The following ARID1B variants were observed in gnomAD, a reference collection of about 807,000 sequenced individuals.
The protein encoded by ARID1B is AT-rich interaction domain 1B.
A neutral mutation model predicts 212.3 loss-of-function variants in ARID1B; 30 were observed. The ratio of observed to expected loss-of-function variants is 0.14; its 90% CI spans 0.11 to 0.19. ARID1B has a LOEUF of 0.19. ARID1B is among the 10% of genes least tolerant of loss of function. ARID1B has a pLI of 1.00. For missense variants in ARID1B, 2,891 were observed against 3,204.0 expected (o/e 0.90, Z 2.36); for synonymous variants, 1,402 against 1,301.7 (o/e 1.08, Z -1.66).
intron 3 of ARID1B, among the ~76,000 whole-genome samples, chr6:156,902,921 T>G (rs150374245): frequency 6.6e-6 from 1 of 152,076 alleles, no homozygotes; most frequent in Non-Finnish European, 1.5e-5. Context: ...AGTTATAACC[T>G]TTTTCAAGGG....
At chr6:156,928,139 C>T (rs375690538) in intron 3 of ARID1B, among the ~76,000 whole-genome samples, 62 of 152,296 alleles carry the variant, frequency 4.1e-4, no homozygotes, top group African/African-American at 1.4e-3. Flanking sequence ...ACCCTGGGGC[C>T]GGCCCTGTAG....
intron 2 of ARID1B, among the ~76,000 whole-genome samples, chr6:156,846,151 T>TTTTG (rs71027318): frequency 0.51 from 76,794 of 149,758 alleles, 20,406 homozygotes; most frequent in Non-Finnish European, 0.58. Flanking sequence ...AGGCTATTTT[T>TTTTG]TTTGTTTGTT....
At chr6:157,104,704 C>T (rs1459184632) in intron 5 of ARID1B, among the ~76,000 whole-genome samples, 2 of 152,106 alleles carry the variant, frequency 1.3e-5, no homozygotes, top group African/African-American at 2.4e-5. Flanking sequence ...AATATACAAA[C>T]CCTCTAGGTA....
chr6:157,055,813 C>T (rs1047920049), intron 4 of ARID1B, among the ~76,000 whole-genome samples: 1 of 152,124 alleles, frequency 6.6e-6, no homozygotes, highest in African/African-American at 2.4e-5. Flanking sequence ...CTTCCAAGCT[C>T]ACCCGTTGGC....
At chr6:157,103,831 CTTTTT>C (rs869280492) in intron 5 of ARID1B, among the ~76,000 whole-genome samples, 3 of 118,384 alleles carry the variant, frequency 2.5e-5, no homozygotes, top group Admixed American at 9.2e-5. Flanking sequence ...ATATTAACAA[CTTTTT>C]TTTTTTTTTT....
intron 4 of ARID1B, among the ~76,000 whole-genome samples, chr6:157,013,502 T>G (rs941406199): frequency 3.9e-5 from 6 of 152,330 alleles, no homozygotes; most frequent in Admixed American, 1.3e-4. Context: ...TATTACTGCT[T>G]CATCTCTACT....
At chr6:156,939,329 A>G (rs1379652026) in intron 4 of ARID1B, 3 of 152,132 alleles carry the variant, frequency 2.0e-5, no homozygotes, top group Non-Finnish European at 4.4e-5. Flanking sequence ...ATATCCCTCA[A>G]TTTATATTCC....
rs77966807 is a variant in ARID1B, at chr6:156,910,311, T to G, written c.2136+8786T>G. Among the ~76,000 whole-genome samples, 353 of 152,358 alleles carry G rather than the reference T, an allele frequency of 2.3e-3. 1 individual carries two copies. The highest frequency in any genetic ancestry group is 8.3e-3 in the African/African-American group (344 of 41,580). ...GGTTGCTATTTCTTAAAGGAGCCAC[T>G]TATTCCTGCTACCTCTGCATATCAA... On this transcript the variant is annotated intron_variant, in intron 3 of 19. Transcript: ENST00000636930.
chr6:157,022,350 TCA>T (rs1177619620), intron 4 of ARID1B: 1 of 152,272 alleles, frequency 6.6e-6, no homozygotes, highest in Non-Finnish European at 1.5e-5. Context: ...GAAAACCAAC[TCA>T]CAGCATTTTT....
At chr6:156,920,146 C>T (rs1007272989) in intron 3 of ARID1B, among the ~76,000 whole-genome samples, 1 of 152,246 alleles carries the variant, frequency 6.6e-6, no homozygotes, top group African/African-American at 2.4e-5. Context: ...CTGGCGCTCT[C>T]CGAGCAAGCC....
intron 3 of ARID1B, among the ~76,000 whole-genome samples, chr6:156,907,401 A>T (rs1227416584): frequency 6.6e-6 from 1 of 152,098 alleles, no homozygotes. Flanking sequence ...TTTTACTTAT[A>T]ATCTGTTTTT....
intron 8 of ARID1B, among the ~76,000 whole-genome samples, chr6:157,161,433 A>ATATATATAT (rs754569681): frequency 5.3e-5 from 6 of 113,686 alleles, no homozygotes; most frequent in African/African-American, 2.1e-4. Context: ...GTGTGTGTGT[A>ATATATATAT]TATATATATA....
chr6:157,180,681 G>T (rs1306315778), intron 11 of ARID1B, among the ~76,000 whole-genome samples: 1 of 152,052 alleles, frequency 6.6e-6, no homozygotes, highest in African/African-American at 2.4e-5. Flanking sequence ...TGCCTTCTGG[G>T]ATTCAACGCT....
At chr6:157,084,136 T>A (rs6935934) in intron 4 of ARID1B, among the ~76,000 whole-genome samples, 10 of 140,602 alleles carry the variant, frequency 7.1e-5, no homozygotes, top group East Asian at 2.3e-4. Flanking sequence ...CTTCATCACC[T>A]CCCCCCCAAA....
intron 4 of ARID1B, among the ~76,000 whole-genome samples, chr6:157,065,757 T>C (rs1783639054): frequency 6.6e-6 from 1 of 152,222 alleles, no homozygotes; most frequent in Admixed American, 6.5e-5. Context: ...AATAAGACCG[T>C]AAGGATTTGG....
chr6:156,891,321 GA>G (rs1218462984), intron 2 of ARID1B, among the ~76,000 whole-genome samples: 3 of 152,272 alleles, frequency 2.0e-5, no homozygotes, highest in African/African-American at 7.2e-5. Flanking sequence ...CCATTTTGTA[GA>G]ATTTACCTGG....
In ARID1B at chr6:157,113,532, G is replaced by C. The variant is rs557893438; in HGVS notation, c.2581+2971G>C. 3.3e-5 allele frequency among the ~76,000 whole-genome samples: 5 copies of C among 152,312 alleles called. No homozygotes were observed. The South Asian group carries it at 1.0e-3, about 32-fold the overall frequency. On this transcript the variant is annotated intron_variant, in intron 6 of 19. Transcript: ENST00000636930. ...TTACATGGCAGGAGCAAGAGGAAGA[G>C]AGCGAAAGGGGAGGTGCTACAAACT...
Position 156,778,644 on chromosome 6 carries a change from C to G in ARID1B, c.964C>G (p.Pro322Ala), listed in dbSNP as rs1778878241. 6.8e-7 allele frequency: 1 copy of G among 1,476,610 alleles called. No individual in the cohort carries two copies. Among genetic ancestry groups the G allele is most frequent in the Non-Finnish European group, 9.0e-7 (1 of 1,110,026 alleles). 91.5% of individuals were successfully genotyped at this position (1,476,610 alleles called of 1,614,324 possible). A position where few individuals can be genotyped will look rare whatever the true frequency, so the allele number is the denominator to read the frequency against. The stretch of plus-strand genomic sequence containing the variant: ...TAATAATTACTATGGCAGCGCTGCC[C>G]CTGCGAGCGGCGGCCCCGGCGGCCG... ...EFNNYYGSAAPASGGPGGRAG... is the reference protein window; with the variant it reads ...EFNNYYGSAAAASGGPGGRAG... Residue 322 changes from proline to alanine, a missense_variant, in exon 1 of 20, where the codon CCT becomes GCT. This residue lies in a region of ARID1B where 1,643 missense variants were observed against 1,544.0 expected (regional missense o/e 1.06). Transcript: ENST00000636930.
At chr6:156,818,565 T>C (rs955409763) in intron 1 of ARID1B, among the ~76,000 whole-genome samples, 9 of 152,166 alleles carry the variant, frequency 5.9e-5, no homozygotes, top group African/African-American at 2.2e-4. Context: ...GGAGGTATTA[T>C]TATTTTTACT....
Sources: gnomAD v4.1 joint callset for allele counts (sites outside exome capture counted in the v4.1 genomes callset) on GRCh38, gnomAD v4.1.1 for gene constraint, gnomAD v4.1.1 regional missense constraint, MANE v1.5 for transcripts, NCBI Gene and HGNC (gene_info 2026-07-23, HGNC 2026-07-21) for gene names.